Variants in WDFY4 observed in about 807,000 individuals in gnomAD.
WDFY4 encodes WD repeat- and FYVE domain-containing protein 4.
In WDFY4, 169 loss-of-function variants were observed where a neutral mutation model predicts 351.9. The ratio of observed to expected loss-of-function variants is 0.48; its 90% CI spans 0.42 to 0.55. The LOEUF is 0.55. Ranked by LOEUF, WDFY4 falls within the 20% of genes least tolerant of loss-of-function variation. WDFY4 has a pLI of 0.00. For missense variants in WDFY4, 3,803 were observed against 3,935.6 expected, an observed-to-expected ratio of 0.97 and a Z score of 0.90; for synonymous variants, 1,622 against 1,574.6, an observed-to-expected ratio of 1.03 and a Z score of -0.71.
chr10:48,972,511 C>T (rs1453048869), intron 57 of WDFY4, among the ~76,000 whole-genome samples: 1 of 152,220 alleles, frequency 6.6e-6, no homozygotes, highest in Non-Finnish European at 1.5e-5. Context: ...ATTTACATTT[C>T]AATCGTTCCA....
intron 36 of WDFY4, among the ~76,000 whole-genome samples, chr10:48,827,995 C>G (rs374979943): frequency 2.3e-4 from 35 of 151,964 alleles, no homozygotes; most frequent in African/African-American, 8.2e-4. Flanking sequence ...GAGATGATAC[C>G]CTCCTCAGTT....
chr10:48,913,266 T>A, intron 47 of WDFY4: 2 of 888,678 alleles, frequency 2.3e-6, no homozygotes, highest in Admixed American at 4.6e-5. Flanking sequence ...GAAAGGAGTT[T>A]TATGGGCTTG....
At chr10:48,953,333 T>TCTCTCTCTCTCTCTCACACACACA (rs771339557) in intron 51 of WDFY4, among the ~76,000 whole-genome samples, 1 of 128,130 alleles carries the variant, frequency 7.8e-6, no homozygotes, top group African/African-American at 3.0e-5. Context: ...TCTCTCTCTC[T>TCTCTCTCTCTCTCTCACACACACA]CACACACACA....
chr10:48,850,079 A>T (rs1029238451), intron 39 of WDFY4, among the ~76,000 whole-genome samples: 6 of 152,180 alleles, frequency 3.9e-5, no homozygotes, highest in Non-Finnish European at 8.8e-5. Context: ...ATATCAGGGG[A>T]TACACGATGT....
At chr10:48,916,656 C>T (rs571515089) in intron 47 of WDFY4, among the ~76,000 whole-genome samples, 2 of 152,248 alleles carry the variant, frequency 1.3e-5, no homozygotes, top group South Asian at 4.1e-4. Context: ...CTGGGAGCCA[C>T]AGAGTTCAGA....
intron 36 of WDFY4, 105 bp downstream of exon 36, chr10:48,827,014 TC>T (rs1204697419): frequency 2.1e-6 from 2 of 933,858 alleles, no homozygotes; most frequent in Non-Finnish European, 3.2e-6. Context: ...AATGATATCA[TC>T]CTTTTGTTTA....
chr10:48,707,648 G>A (rs763750409), intron 1 of WDFY4, among the ~76,000 whole-genome samples: 1 of 152,192 alleles, frequency 6.6e-6, no homozygotes, highest in African/African-American at 2.4e-5. Context: ...ATAATGCTGG[G>A]TGAAAGAGTA....
At chr10:48,960,231 A>G (rs1052582918) in intron 53 of WDFY4, among the ~76,000 whole-genome samples, 4 of 152,188 alleles carry the variant, frequency 2.6e-5, no homozygotes, top group Admixed American at 2.0e-4. Context: ...TACCCAAAAA[A>G]CTGGACATGG....
rs1589701631 is a variant in WDFY4 at position 48,826,760 on chromosome 10, G to A, written c.6072G>A (p.Lys2024=). 3 of 1,551,844 alleles carry A rather than the reference G, an allele frequency of 1.9e-6. No homozygotes were observed. The highest frequency in any genetic ancestry group is 2.6e-6 in the Non-Finnish European group (3 of 1,147,036). Residue 2024 remains lysine (K), a synonymous_variant, in exon 36 of 62, where the codon AAG becomes AAA. Transcript: ENST00000325239. ...AAGTCATTCTTTATTGCCTATCCAAGCCCCAGCAGTCCCTCTCCGAATGCC... is the reference window on the plus strand; with the variant it reads ...AAGTCATTCTTTATTGCCTATCCAAACCCCAGCAGTCCCTCTCCGAATGCC... The part of the protein sequence containing the change: ...LNKVILYCLS[K]PQQSLSECLG...
At chr10:48,812,567 C>T (rs1405574102) in intron 30 of WDFY4, among the ~76,000 whole-genome samples, 1 of 152,186 alleles carries the variant, frequency 6.6e-6, no homozygotes, top group Non-Finnish European at 1.5e-5. Flanking sequence ...TGTTCAGCTG[C>T]ATCCCACCTA....
At chr10:48,870,597 A>G (rs148512884) in intron 40 of WDFY4, among the ~76,000 whole-genome samples, 2 of 151,956 alleles carry the variant, frequency 1.3e-5, no homozygotes, top group East Asian at 3.9e-4. Context: ...TTGTCCCCCA[A>G]CATAACAGAA....
chr10:48,958,685 G>A (rs527960230), intron 52 of WDFY4, among the ~76,000 whole-genome samples: 4 of 152,278 alleles, frequency 2.6e-5, no homozygotes, highest in Admixed American at 2.6e-4. Flanking sequence ...TGTGAGGATA[G>A]GAAAAATGGA....
chr10:48,977,230 T>TAAAA lies in WDFY4; in HGVS notation c.9291+251_9291+252insAAAA, dbSNP rs1200518806. ...CACAGACACACACTAAAATAAATAC[T>TAAAA]GTTACAACATATAAAAGTTGAATGG... On this transcript the variant is annotated intron_variant, in intron 59 of 61. Coordinates refer to ENST00000325239, the MANE Select transcript of WDFY4 (RefSeq NM_001394531.1). The TAAAA allele has an allele frequency of 1.3e-4, 40 of 302,310 alleles. No individual in the cohort carries two copies. In the East Asian group the frequency reaches 2.0e-3, roughly 15 times the overall value. The allele number at this position is 302,310 out of a possible 1,614,324, so 18.7% of individuals were successfully genotyped here.
chr10:48,746,382 GT>G (rs2074616314), intron 12 of WDFY4, among the ~76,000 whole-genome samples: 1 of 151,966 alleles, frequency 6.6e-6, no homozygotes, highest in African/African-American at 2.4e-5. Flanking sequence ...GTTTCTTTTG[GT>G]TAGTTCGTGC....
intron 47 of WDFY4, among the ~76,000 whole-genome samples, chr10:48,939,983 C>T (rs1045756027): frequency 6.6e-6 from 1 of 152,252 alleles, no homozygotes; most frequent in Non-Finnish European, 1.5e-5. Flanking sequence ...TGGATCCTAA[C>T]AGGCACATTT....
At chr10:48,714,877 A>G (rs2063858869) in intron 2 of WDFY4, among the ~76,000 whole-genome samples, 1 of 151,984 alleles carries the variant, frequency 6.6e-6, no homozygotes, top group Non-Finnish European at 1.5e-5. Context: ...ATGGGCTCAC[A>G]CTCCTCCCTT....
intron 23 of WDFY4, among the ~76,000 whole-genome samples, chr10:48,795,610 A>C (rs965809125): frequency 1.3e-5 from 2 of 150,906 alleles, no homozygotes; most frequent in African/African-American, 2.4e-5. Context: ...GCACGTTGCA[A>C]GAACATGTCT....
At position 48,965,837 on chromosome 10, in the gene WDFY4, A is replaced by C. The variant is rs570645308; in HGVS notation, c.8437-689A>C. Among the ~76,000 whole-genome samples, 344 of 152,262 alleles carry C rather than the reference A, an allele frequency of 2.3e-3. 2 individuals are homozygous for C. Among genetic ancestry groups the C allele is most frequent in the African/African-American group, 7.9e-3 (327 of 41,576 alleles). On this transcript the variant is annotated intron_variant, in intron 54 of 61. Transcript: ENST00000325239. ...TATAGATTATATCTATACCAGTTAG[A>C]TATAGATTATATCTATATCAGTTAG...
intron 1 of WDFY4, among the ~76,000 whole-genome samples, chr10:48,699,606 T>A (rs562563800): frequency 6.6e-6 from 1 of 152,132 alleles, no homozygotes; most frequent in Non-Finnish European, 1.5e-5. Context: ...CATCTGAAAA[T>A]GGTATCCCTA....
Sources: allele counts gnomAD v4.1 joint callset (sites outside exome capture counted in the v4.1 genomes callset), GRCh38; gene constraint gnomAD v4.1.1; transcripts MANE v1.5; gene names NCBI Gene and HGNC (gene_info 2026-07-23, HGNC 2026-07-21).